The following NARS2 variants were observed in gnomAD, a reference collection of about 807,000 sequenced individuals.
NARS2 encodes asparaginyl-tRNA synthetase 2, mitochondrial.
A neutral mutation model predicts 62.9 loss-of-function variants in NARS2; 60 were observed. The observed-to-expected ratio is 0.95, with a 90% CI of 0.77 to 1.18. The LOEUF (loss-of-function observed/expected upper bound fraction) is 1.18. Among genes scored for constraint, NARS2 ranks in the 50% most tolerant of loss-of-function variants. The probability of loss-of-function intolerance (pLI) is 0.00; values close to 1 mark genes in which losing one functional copy is unlikely to be tolerated. For synonymous variants in NARS2, 196 were observed against 200.0 expected (o/e 0.98, Z 0.17); for missense variants, 619 against 576.4 (o/e 1.07, Z -0.76).
intron 5 of NARS2, among the ~76,000 whole-genome samples, chr11:78,530,821 T>C (rs1483755730): frequency 6.6e-6 from 1 of 152,194 alleles, no homozygotes; most frequent in East Asian, 1.9e-4. Context: ...TGATTTCTGA[T>C]TTTTCTTACA....
chr11:78,483,229 G>T (rs1393309201), intron 7 of NARS2, among the ~76,000 whole-genome samples: 1 of 152,156 alleles, frequency 6.6e-6, no homozygotes, highest in African/African-American at 2.4e-5. Flanking sequence ...AGGTATTGAT[G>T]AAACATATCT....
intron 9 of NARS2, among the ~76,000 whole-genome samples, chr11:78,474,541 T>A (rs1044934582): frequency 2.0e-5 from 3 of 152,174 alleles, no homozygotes; most frequent in African/African-American, 7.2e-5. Flanking sequence ...CCTCAGTGAC[T>A]GAAATAAATA....
chr11:78,556,165 A>C (rs1454954810), intron 5 of NARS2, among the ~76,000 whole-genome samples: 1 of 152,092 alleles, frequency 6.6e-6, no homozygotes, highest in East Asian at 1.9e-4. Flanking sequence ...GCCTCATTTT[A>C]ATTATCTGAT....
chr11:78,553,266 C>A (rs1555040985), intron 5 of NARS2, among the ~76,000 whole-genome samples: 1 of 151,984 alleles, frequency 6.6e-6, no homozygotes, highest in Non-Finnish European at 1.5e-5. Context: ...TAACAAGTGT[C>A]TGTTCATGTC....
At chr11:78,519,457 T>G (rs911555347) in intron 6 of NARS2, among the ~76,000 whole-genome samples, 2 of 152,146 alleles carry the variant, frequency 1.3e-5, no homozygotes, top group African/African-American at 4.8e-5. Flanking sequence ...TTAGCAGAAA[T>G]AGCCATTTTT....
Position 78,473,313 on chromosome 11 carries a change from T to C in NARS2, c.960-4000A>G, listed in dbSNP as rs188350887. Among the ~76,000 whole-genome samples the C allele has an allele frequency of 1.8e-4, 27 of 152,368 alleles. No homozygotes were observed. The East Asian group carries it at 2.9e-3, about 16-fold the overall frequency. ...AGTTCTAAGGTAACAGGTATTTTCT[T>C]TCAACTATGTGAAGATACTATTTTA... On this transcript the variant is annotated intron_variant, in intron 9 of 13. Coordinates refer to ENST00000281038, the MANE Select transcript of NARS2 (RefSeq NM_024678.6).
At chr11:78,443,141 C>G (rs527911199) in intron 12 of NARS2, among the ~76,000 whole-genome samples, 2 of 151,980 alleles carry the variant, frequency 1.3e-5, no homozygotes, top group South Asian at 4.2e-4. Context: ...CCGGCTAACA[C>G]GGTGAAACTC....
At position 78,540,415 on chromosome 11, in the gene NARS2, T is replaced by C. The variant is rs146402386; in HGVS notation, c.595-11479A>G. Among the ~76,000 whole-genome samples the C allele has an allele frequency of 3.5e-3, 535 of 152,296 alleles. 2 individuals are homozygous for C. Among genetic ancestry groups the C allele is most frequent in the African/African-American group, 0.012 (513 of 41,554 alleles). On this transcript the variant is annotated intron_variant, in intron 5 of 13. Transcript: ENST00000281038. ...AGTCCGACTCTGTCTCCATGTAAAATATATAGCAAGGAGCGAGAGTAAATA... is the reference window on the plus strand; with the variant it reads ...AGTCCGACTCTGTCTCCATGTAAAACATATAGCAAGGAGCGAGAGTAAATA...
rs1043993457 is a variant in NARS2, at chr11:78,440,676, G to A, written c.1289+415C>T. On this transcript the variant is annotated intron_variant, in intron 13 of 13. Coordinates refer to ENST00000281038, the MANE Select transcript of NARS2 (RefSeq NM_024678.6). ...GCCTCCCAAGTAGGTGGGATTACAG[G>A]TGCCTGCCACCATACCCGGCTAATT... 3.9e-5 allele frequency among the ~76,000 whole-genome samples: 6 copies of A among 151,928 alleles called. No homozygotes were observed. In the East Asian group the frequency reaches 5.8e-4, roughly 15 times the overall value.
intron 11 of NARS2, among the ~76,000 whole-genome samples, chr11:78,448,034 AAG>A (rs1184859850): frequency 3.3e-5 from 3 of 92,054 alleles, no homozygotes; most frequent in African/African-American, 7.9e-5. Flanking sequence ...TAAAATAACT[AAG>A]AGTAAATTTC....
intron 5 of NARS2, among the ~76,000 whole-genome samples, chr11:78,548,613 A>G (rs1292479589): frequency 7.2e-5 from 11 of 152,156 alleles, no homozygotes; most frequent in Non-Finnish European, 1.3e-4. Context: ...ATGTCATTTC[A>G]CTAATCCTTA....
At chr11:78,558,269 T>G (rs1289426232) in intron 5 of NARS2, 1 of 152,240 alleles carries the variant, frequency 6.6e-6, no homozygotes, top group East Asian at 1.9e-4. Context: ...TGCAGAATGC[T>G]GATCAACGTC....
At chr11:78,550,633 G>C (rs1037691679) in intron 5 of NARS2, among the ~76,000 whole-genome samples, 2 of 152,168 alleles carry the variant, frequency 1.3e-5, no homozygotes, top group African/African-American at 4.8e-5. Flanking sequence ...CTAGGATGCA[G>C]GGAAAGGAGA....
chr11:78,459,899 T>C (rs1336201695), intron 11 of NARS2, among the ~76,000 whole-genome samples: 1 of 152,214 alleles, frequency 6.6e-6, no homozygotes, highest in African/African-American at 2.4e-5. Flanking sequence ...AAACTTAACA[T>C]GGTACGACTG....
At chr11:78,457,784 GTTA>G (rs1388378837) in intron 11 of NARS2, among the ~76,000 whole-genome samples, 1 of 145,992 alleles carries the variant, frequency 6.8e-6, no homozygotes, top group Admixed American at 6.8e-5. Flanking sequence ...GGAATCTTAT[GTTA>G]TTATGTAACA....
intron 9 of NARS2, among the ~76,000 whole-genome samples, chr11:78,471,682 C>A (rs1443666275): frequency 8.7e-6 from 1 of 114,378 alleles, no homozygotes; most frequent in African/African-American, 3.3e-5. Flanking sequence ...TATCCCTCCC[C>A]CCTCCCCCCA....
At position 78,501,204 on chromosome 11, in the gene NARS2, G is replaced by C. The variant is rs371839113; in HGVS notation, c.690-8009C>G. Among the ~76,000 whole-genome samples the C allele has an allele frequency of 1.6e-4, 24 of 152,276 alleles. 1 individual carries two copies. The East Asian group carries it at 2.7e-3, about 17-fold the overall frequency. On this transcript the variant is annotated intron_variant, in intron 6 of 13. Transcript: ENST00000281038. ...TCCCAAAACAAAAAAATTAGTAAGA[G>C]GAGTGACACTGCTTTACACTTTTAT...
chr11:78,543,197 T>TTA (rs1855699611), intron 5 of NARS2, among the ~76,000 whole-genome samples: 1 of 152,214 alleles, frequency 6.6e-6, no homozygotes, highest in South Asian at 2.1e-4. Flanking sequence ...GAATAAGCCA[T>TTA]TATAAAGCAT....
chr11:78,534,066 C>A (rs2135440131), intron 5 of NARS2, among the ~76,000 whole-genome samples: 1 of 152,240 alleles, frequency 6.6e-6, no homozygotes, highest in Non-Finnish European at 1.5e-5. Context: ...TAAAAGGCAT[C>A]TTGGTTGCTT....
Sources: allele counts gnomAD v4.1 joint callset (sites outside exome capture counted in the v4.1 genomes callset), GRCh38; gene constraint gnomAD v4.1.1; transcripts MANE v1.5; gene names NCBI Gene and HGNC (gene_info 2026-07-23, HGNC 2026-07-21).